Variants in RGS7 observed in about 807,000 individuals in gnomAD.
RGS7 encodes regulator of G-protein signaling 7.
In RGS7, 27 loss-of-function variants were observed where a neutral mutation model predicts 81.1. That is an observed-to-expected ratio of 0.33 (90% CI 0.25 to 0.46). RGS7 has a LOEUF of 0.46. RGS7 is among the 20% of genes least tolerant of loss of function. The pLI is 1.00. For synonymous variants in RGS7, 208 were observed against 207.7 expected, an observed-to-expected ratio of 1.00 and a Z score of -0.01; for missense variants, 396 against 607.4, an observed-to-expected ratio of 0.65 and a Z score of 3.66.
At chr1:240,997,983 C>T (rs1007383428) in intron 3 of RGS7, among the ~76,000 whole-genome samples, 1 of 152,132 alleles carries the variant, frequency 6.6e-6, no homozygotes, top group Non-Finnish European at 1.5e-5. Flanking sequence ...TGTTAGAGTT[C>T]GTCAGCTGGT....
At chr1:240,976,596 A>G (rs1040822270) in intron 4 of RGS7, among the ~76,000 whole-genome samples, 1 of 152,184 alleles carries the variant, frequency 6.6e-6, no homozygotes, top group Non-Finnish European at 1.5e-5. Context: ...ATTTTCTCCA[A>G]GGAAGAGGGA....
intron 4 of RGS7, among the ~76,000 whole-genome samples, chr1:240,943,964 CATT>C (rs1678042872): frequency 6.6e-6 from 1 of 151,970 alleles, no homozygotes; most frequent in African/African-American, 2.4e-5. Flanking sequence ...AGAAAATCGA[CATT>C]AAAATAATAA....
intron 2 of RGS7, among the ~76,000 whole-genome samples, chr1:241,254,722 A>T (rs2076984586): frequency 6.6e-6 from 1 of 152,236 alleles, no homozygotes; most frequent in South Asian, 2.1e-4. Flanking sequence ...AAGTTACAAG[A>T]TGTCAACTAT....
At chr1:241,029,928 C>T (rs538778673) in intron 3 of RGS7, among the ~76,000 whole-genome samples, 128 of 152,208 alleles carry the variant, frequency 8.4e-4, no homozygotes, top group Middle Eastern at 3.4e-3. Flanking sequence ...TGTGGCAATA[C>T]GTGAAGCGGA....
chr1:240,793,611 A>ATATATTTTTTTTTTT lies in RGS7; in HGVS notation c.*6+7029_*6+7030insAAAAAAAAAAATATA. ...AATATATATATATATATATATATAT[A>ATATATTTTTTTTTTT]TTTTTTTTTTTTTTTTGAGACAGAG... On this transcript the variant is annotated intron_variant, in intron 18 of 18. Coordinates refer to ENST00000440928, the MANE Select transcript of RGS7 (RefSeq NM_001364886.1). Among the ~76,000 whole-genome samples the ATATATTTTTTTTTTT allele has an allele frequency of 7.6e-5, 6 of 78,812 alleles. 1 individual carries two copies. The highest frequency in any genetic ancestry group is 5.8e-4 in the African/African-American group (6 of 10,304). 51.7% of individuals were successfully genotyped at this position (78,812 alleles called of 152,430 possible).
At chr1:241,077,165 T>G (rs1178928575) in intron 3 of RGS7, among the ~76,000 whole-genome samples, 1 of 152,166 alleles carries the variant, frequency 6.6e-6, no homozygotes, top group African/African-American at 2.4e-5. Flanking sequence ...TGATAATACT[T>G]TTAAAAATAA....
chr1:240,795,107 C>T (rs1686797707), intron 18 of RGS7, among the ~76,000 whole-genome samples: 1 of 152,090 alleles, frequency 6.6e-6, no homozygotes, highest in East Asian at 1.9e-4. Context: ...TCGCTTGAAC[C>T]TGGGAGGCGG....
chr1:241,349,426 G>A (rs2083100492), intron 2 of RGS7, among the ~76,000 whole-genome samples: 1 of 152,184 alleles, frequency 6.6e-6, no homozygotes, highest in African/African-American at 2.4e-5. Context: ...AAACAACAAT[G>A]TATCTTTCCA....
chr1:240,807,093 T>C (rs1358387975), intron 14 of RGS7, among the ~76,000 whole-genome samples: 1 of 152,228 alleles, frequency 6.6e-6, no homozygotes, highest in Non-Finnish European at 1.5e-5. Flanking sequence ...CTTCTGAAGA[T>C]AGACTTATTT....
At chr1:240,805,850 C>T (rs1313139358) in intron 15 of RGS7, among the ~76,000 whole-genome samples, 1 of 151,982 alleles carries the variant, frequency 6.6e-6, no homozygotes, top group Non-Finnish European at 1.5e-5. Context: ...GGTGTTTGCT[C>T]ACTTACTGGG....
chr1:240,811,846 T>A, intron 14 of RGS7, 72 bp downstream of exon 14: 1 of 1,304,240 alleles, frequency 7.7e-7, no homozygotes, highest in African/African-American at 1.4e-5. Flanking sequence ...ATTGATCTAT[T>A]ACCTCCAAAA....
chr1:240,859,854 T>G (rs1447691308), intron 9 of RGS7, among the ~76,000 whole-genome samples: 2 of 152,188 alleles, frequency 1.3e-5, no homozygotes, highest in Admixed American at 6.5e-5. Context: ...TGCTATAAAT[T>G]TCTCTCTAAG....
At position 241,047,613 on chromosome 1, in the gene RGS7, A is replaced by G. The variant is rs1572436615; in HGVS notation, c.175+51053T>C. On this transcript the variant is annotated intron_variant, in intron 3 of 18. Transcript: ENST00000440928. ...TTGACTTTCAAATGTCACTATTAGT[A>G]CTTACTAAATTGAAAGGAAATGTTC... Among the ~76,000 whole-genome samples the G allele has an allele frequency of 3.3e-5, 5 of 152,248 alleles. No homozygotes were observed. In the South Asian group the frequency reaches 8.3e-4, roughly 25 times the overall value.
intron 3 of RGS7, among the ~76,000 whole-genome samples, chr1:241,064,183 CAAAAAAAAA>C (rs140883852): frequency 2.6e-5 from 2 of 78,174 alleles, no homozygotes; most frequent in African/African-American, 4.7e-5. Flanking sequence ...AACTCAGTTT[CAAAAAAAAA>C]AAAAAAAAAA....
At chr1:240,927,566 G>A (rs1023407665) in intron 6 of RGS7, among the ~76,000 whole-genome samples, 11 of 152,132 alleles carry the variant, frequency 7.2e-5, no homozygotes, top group South Asian at 2.1e-4. Context: ...TCAAAGTTGG[G>A]TAATTCATAT....
At chr1:240,991,906 ATGTCTAAC>A (rs1394684231) in intron 3 of RGS7, among the ~76,000 whole-genome samples, 6 of 152,186 alleles carry the variant, frequency 3.9e-5, no homozygotes, top group Non-Finnish European at 5.9e-5. Flanking sequence ...CACACAGGCC[ATGTCTAAC>A]TGTCTAACTG....
intron 3 of RGS7, among the ~76,000 whole-genome samples, chr1:241,056,185 C>A (rs2061469808): frequency 6.6e-6 from 1 of 152,276 alleles, no homozygotes; most frequent in Non-Finnish European, 1.5e-5. Flanking sequence ...GCCTCAGGAC[C>A]TTTGCATACA....
At chr1:240,874,773 G>A (rs995459998) in intron 6 of RGS7, among the ~76,000 whole-genome samples, 1 of 152,138 alleles carries the variant, frequency 6.6e-6, no homozygotes, top group Non-Finnish European at 1.5e-5. Flanking sequence ...GGGTGCAGTG[G>A]ATCATGCCTG....
chr1:241,139,178 T>TC (rs1367614518), intron 2 of RGS7, among the ~76,000 whole-genome samples: 2 of 143,232 alleles, frequency 1.4e-5, no homozygotes, highest in Non-Finnish European at 3.1e-5. Flanking sequence ...CCTTCCTCTC[T>TC]CCCTCCCTTC....
Sources: gnomAD v4.1 joint callset for allele counts (sites outside exome capture counted in the v4.1 genomes callset) on GRCh38, gnomAD v4.1.1 for gene constraint, MANE v1.5 for transcripts, NCBI Gene and HGNC (gene_info 2026-07-23, HGNC 2026-07-21) for gene names.